The following CDYL variants were observed in gnomAD, a reference collection of about 807,000 sequenced individuals.
CDYL encodes chromodomain Y-like protein.
Under a neutral mutation model 47.3 loss-of-function variants are expected in CDYL, and 8 were observed. The ratio of observed to expected loss-of-function variants is 0.17; its 90% CI spans 0.10 to 0.31. CDYL has a LOEUF of 0.31. Among genes scored for constraint, CDYL ranks in the 10% least tolerant of loss-of-function variants. CDYL has a pLI of 1.00. For missense variants in CDYL, 471 were observed against 701.4 expected, an observed-to-expected ratio of 0.67 and a Z score of 3.71; for synonymous variants, 266 against 265.0, an observed-to-expected ratio of 1.00 and a Z score of -0.04.
intron 1 of CDYL, among the ~76,000 whole-genome samples, chr6:4,855,538 A>G (rs1760980243): frequency 1.3e-5 from 2 of 152,220 alleles, no homozygotes; most frequent in African/African-American, 4.8e-5. Flanking sequence ...CAACCTAGAA[A>G]GTTGCACACA....
At chr6:4,923,600 C>T (rs748591393) in intron 2 of CDYL, among the ~76,000 whole-genome samples, 4 of 152,032 alleles carry the variant, frequency 2.6e-5, no homozygotes, top group Non-Finnish European at 4.4e-5. Context: ...AAGTGATTGC[C>T]GGATCATATG....
At chr6:4,789,248 G>A (rs1033459756) in intron 1 of CDYL, among the ~76,000 whole-genome samples, 15 of 152,114 alleles carry the variant, frequency 9.9e-5, no homozygotes, top group African/African-American at 3.6e-4. Flanking sequence ...GCTAATTTTT[G>A]TATTTTTAGT....
At chr6:4,867,278 C>T (rs1309552706) in intron 1 of CDYL, among the ~76,000 whole-genome samples, 1 of 152,068 alleles carries the variant, frequency 6.6e-6, no homozygotes, top group Non-Finnish European at 1.5e-5. Flanking sequence ...TTCCTGCATA[C>T]TGGATCATAC....
At chr6:4,892,497 C>A (rs879119621) in intron 2 of CDYL, 118 bp downstream of exon 2, 15 of 1,080,522 alleles carry the variant, frequency 1.4e-5, no homozygotes, top group African/African-American at 3.2e-5. Context: ...TCTGCTGGAG[C>A]CTTGCAGAGA....
intron 1 of CDYL, among the ~76,000 whole-genome samples, chr6:4,814,742 C>T (rs1005278998): frequency 2.6e-5 from 4 of 152,224 alleles, no homozygotes; most frequent in Middle Eastern, 3.4e-3. Flanking sequence ...AGGCTGCTCT[C>T]GAACTCCTTG....
chr6:4,801,136 A>G (rs548087074), intron 1 of CDYL, among the ~76,000 whole-genome samples: 1 of 152,354 alleles, frequency 6.6e-6, no homozygotes, highest in South Asian at 2.1e-4. Context: ...GGCAGAACCA[A>G]GCATCAATCC....
chr6:4,903,438 T>C (rs2127495521), intron 2 of CDYL, among the ~76,000 whole-genome samples: 1 of 152,356 alleles, frequency 6.6e-6, no homozygotes, highest in East Asian at 1.9e-4. Flanking sequence ...CCGTGATGGT[T>C]CATCTTAAAT....
intron 2 of CDYL, among the ~76,000 whole-genome samples, chr6:4,916,771 T>C (rs1027504516): frequency 6.6e-6 from 1 of 152,190 alleles, no homozygotes; most frequent in Non-Finnish European, 1.5e-5. Flanking sequence ...TAAAATAAAA[T>C]CACATATTTC....
rs377393556 is a variant in CDYL, at chr6:4,891,797, G to A, written c.109G>A (p.Asp37Asn). ...GTGGAAAGGCTATGACAGCGAGGACGACACTTGGGAGCCGGAACAGCACCT... is the reference window on the plus strand; with the variant it reads ...GTGGAAAGGCTATGACAGCGAGGACAACACTTGGGAGCCGGAACAGCACCT... ...VRWKGYDSED[D>N]TWEPEQHLVN... Residue 37 changes from aspartate (D) to asparagine (N), a missense_variant, in exon 2 of 7, where the codon GAC becomes AAC. By Grantham distance (23) the Asp-to-Asn change is conservative. Coordinates refer to ENST00000397588, the MANE Select transcript of CDYL (RefSeq NM_004824.4). 4.3e-6 allele frequency: 7 copies of A among 1,614,018 alleles called. No homozygotes were observed. Among genetic ancestry groups the A allele is most frequent in the Non-Finnish European group, 4.2e-6 (5 of 1,180,042 alleles).
chr6:4,909,348 C>T (rs374514219), intron 2 of CDYL, among the ~76,000 whole-genome samples: 4 of 152,174 alleles, frequency 2.6e-5, no homozygotes, highest in African/African-American at 9.7e-5. Context: ...TTCAGTAGCT[C>T]CAGCCGAAAG....
At chr6:4,917,483 T>G (rs1213074048) in intron 2 of CDYL, among the ~76,000 whole-genome samples, 1 of 152,216 alleles carries the variant, frequency 6.6e-6, no homozygotes, top group Non-Finnish European at 1.5e-5. Context: ...ATACTAATAC[T>G]AATACATTGT....
chr6:4,819,442 C>T (rs1759771805), intron 1 of CDYL, among the ~76,000 whole-genome samples: 1 of 152,114 alleles, frequency 6.6e-6, no homozygotes, highest in Non-Finnish European at 1.5e-5. Flanking sequence ...GTCATGTCTA[C>T]CAGATAGTGG....
intron 1 of CDYL, among the ~76,000 whole-genome samples, chr6:4,856,089 G>T (rs568239744): frequency 8.5e-5 from 13 of 152,306 alleles, no homozygotes; most frequent in South Asian, 4.1e-4. Flanking sequence ...CTCAGCAAAT[G>T]TGCCTCCTTT....
intron 1 of CDYL, among the ~76,000 whole-genome samples, chr6:4,880,988 A>G (rs1761747612): frequency 6.6e-6 from 1 of 151,896 alleles, no homozygotes; most frequent in Admixed American, 6.6e-5. Flanking sequence ...CCATCTTTTA[A>G]ATTATTATTT....
chr6:4,815,213 A>G (rs1161910079), intron 1 of CDYL, among the ~76,000 whole-genome samples: 9 of 152,218 alleles, frequency 5.9e-5, no homozygotes, highest in African/African-American at 2.2e-4. Context: ...CTGAATATGT[A>G]TGTATGTGTA....
chr6:4,922,771 C>G (rs1215663443), intron 2 of CDYL, among the ~76,000 whole-genome samples: 1 of 152,122 alleles, frequency 6.6e-6, no homozygotes, highest in African/African-American at 2.4e-5. Flanking sequence ...TTTGAGTTAC[C>G]CTGAATATCC....
intron 3 of CDYL, among the ~76,000 whole-genome samples, chr6:4,763,908 A>C (rs1758213088): frequency 1.3e-5 from 2 of 152,146 alleles, no homozygotes. Flanking sequence ...ATGCCACTGC[A>C]CTCTAGCCTG....
At chr6:4,740,789 C>CTT (rs57810529) in intron 3 of CDYL, among the ~76,000 whole-genome samples, 7 of 140,694 alleles carry the variant, frequency 5.0e-5, no homozygotes, top group Admixed American at 1.4e-4. Context: ...ACTCTAAAAT[C>CTT]TTTTTTTTTT....
intron 1 of CDYL, among the ~76,000 whole-genome samples, chr6:4,888,091 C>T (rs556629986): frequency 2.5e-4 from 38 of 151,992 alleles, no homozygotes; most frequent in African/African-American, 8.7e-4. Context: ...ATTCAATTTG[C>T]GAATGTTTTG....
Sources: gnomAD v4.1 joint callset for allele counts (sites outside exome capture counted in the v4.1 genomes callset) on GRCh38, gnomAD v4.1.1 for gene constraint, MANE v1.5 for transcripts, NCBI Gene and HGNC (gene_info 2026-07-23, HGNC 2026-07-21) for gene names.